Variants in SLC2A4 observed in about 807,000 individuals in gnomAD.
SLC2A4 encodes the protein solute carrier family 2 member 4.
A neutral mutation model predicts 53.3 loss-of-function variants in SLC2A4; 31 were observed. That is an observed-to-expected ratio of 0.58 (90% confidence interval 0.44 to 0.78). The LOEUF is 0.78. Among genes scored for constraint, SLC2A4 ranks in the 30% least tolerant of loss-of-function variants. SLC2A4 has a pLI of 0.00. For synonymous variants in SLC2A4, 276 were observed against 281.9 expected, an observed-to-expected ratio of 0.98 and a Z score of 0.21; for missense variants, 538 against 655.7, an observed-to-expected ratio of 0.82 and a Z score of 1.96.
rs374245027 is a variant in SLC2A4 at position 7,285,083 on chromosome 17, C to T, written c.1021-5C>T. 3.0e-4 allele frequency: 488 copies of T among 1,606,808 alleles called. 1 individual carries two copies. Among genetic ancestry groups the T allele is most frequent in the African/African-American group, 2.0e-3 (149 of 75,016 alleles). ...GCTGGGGTCAAGCTCCGACTCTCCC[C>T]GCAGGTGTTGTTGGTGGAGCGGGCG... On this transcript the variant is annotated splice_polypyrimidine_tract_variant and splice_region_variant and intron_variant, in intron 8 of 10. Coordinates refer to ENST00000317370, the MANE Select transcript of SLC2A4 (RefSeq NM_001042.3). The surrounding 1 kb of genome is among the most constrained non-coding windows in gnomAD (Gnocchi z 6.0).
rs577529037 is a variant in SLC2A4, at chr17:7,282,621, G to C, written c.34-624G>C. ...GGCCCTCCCTGCACGGAGGTTAGAGGGGGAGGGCAGGCCACGACGTAGATA... is the reference window on the plus strand; with the variant it reads ...GGCCCTCCCTGCACGGAGGTTAGAGCGGGAGGGCAGGCCACGACGTAGATA... On this transcript the variant is annotated intron_variant, in intron 1 of 10. Coordinates refer to ENST00000317370, the MANE Select transcript of SLC2A4 (RefSeq NM_001042.3). This position sits in a 1 kb window ranked among gnomAD's most constrained non-coding sequence, Gnocchi z 4.1. Among the ~76,000 whole-genome samples the C allele has an allele frequency of 3.3e-5, 5 of 152,350 alleles. No individual in the cohort carries two copies. In the East Asian group the frequency reaches 5.8e-4, roughly 18 times the overall value.
intron 10 of SLC2A4, 96 bp from the exon 11 acceptor site, chr17:7,286,330 C>T: frequency 1.0e-6 from 1 of 993,780 alleles, no homozygotes; most frequent in Non-Finnish European, 1.6e-6. Flanking sequence ...GCCGTCCCCC[C>T]AGCTCCCTAT....
At position 7,282,552 on chromosome 17, in the gene SLC2A4, C is replaced by A. The variant is rs889492469; in HGVS notation, c.33+585C>A. 2 of 386,844 alleles carry A rather than the reference C, an allele frequency of 5.2e-6. No individual in the cohort carries two copies. The highest frequency in any genetic ancestry group is 6.0e-5 in the Admixed American group (2 of 33,160). 24.0% of individuals were successfully genotyped at this position (386,844 alleles called of 1,614,324 possible). A position where few individuals can be genotyped will look rare whatever the true frequency, so the allele number is the denominator to read the frequency against. On this transcript the variant is annotated intron_variant, in intron 1 of 10. Coordinates refer to ENST00000317370, the MANE Select transcript of SLC2A4 (RefSeq NM_001042.3). This position sits in a 1 kb window ranked among gnomAD's most constrained non-coding sequence, Gnocchi z 4.1. The stretch of plus-strand genomic sequence containing the variant: ...CACCGCCCCTCACACTACCTTCCTG[C>A]CCTCCTCCCCTGGGCATGGCTCTCC...
rs1248387878 is a variant in SLC2A4 at position 7,282,504 on chromosome 17, C to T, written c.33+537C>T. The T allele has an allele frequency of 2.4e-6, 1 of 420,376 alleles. No homozygotes were observed. The highest frequency in any genetic ancestry group is 7.2e-5 in the East Asian group (1 of 13,954). The allele number at this position is 420,376 out of a possible 1,614,324, so 26.0% of individuals were successfully genotyped here. ...GTTTCCGCTTGGAGACAGTCTGTGC[C>T]GCCAGCGAGCGGCCACCACTGCCAC... On this transcript the variant is annotated intron_variant, in intron 1 of 10. Coordinates refer to ENST00000317370, the MANE Select transcript of SLC2A4 (RefSeq NM_001042.3). This position sits in a 1 kb window ranked among gnomAD's most constrained non-coding sequence, Gnocchi z 4.1.
rs2072407297 is a variant in SLC2A4 at position 7,282,080 on chromosome 17, A to G, written c.33+113A>G. ...GTTCCTGCGCAGGCGCAGGGGGTGA[A>G]GGTAGGGGGCTGGCTATTTATACCC... On this transcript the variant is annotated intron_variant, in intron 1 of 10. Coordinates refer to ENST00000317370, the MANE Select transcript of SLC2A4 (RefSeq NM_001042.3). The surrounding 1 kb of genome is among the most constrained non-coding windows in gnomAD (Gnocchi z 4.1). 1 of 867,496 alleles carries G rather than the reference A, an allele frequency of 1.2e-6. No homozygotes were observed. The highest frequency in any genetic ancestry group is 1.9e-6 in the Non-Finnish European group (1 of 529,328). The allele number at this position is 867,496 out of a possible 1,614,324, so 53.7% of individuals were successfully genotyped here.
chr17:7,285,714 C>T lies in SLC2A4; in HGVS notation c.1132C>T (p.Pro378Ser), dbSNP rs750521517. Residue 378 changes from proline to serine, a missense_variant, in exon 10 of 11, where the codon CCA (proline) becomes TCA (serine). Coordinates refer to ENST00000317370, the MANE Select transcript of SLC2A4 (RefSeq NM_001042.3). The surrounding 1 kb of genome is among the most constrained non-coding windows in gnomAD (Gnocchi z 6.0). ...TVALLLLERV[P>S]AMSYVSIVAI... ...CCTGTCTGGCCCCTAGGAGCGAGTTCCAGCCATGAGCTACGTCTCCATTGT... is the reference window on the plus strand; with the variant it reads ...CCTGTCTGGCCCCTAGGAGCGAGTTTCAGCCATGAGCTACGTCTCCATTGT... The T allele has an allele frequency of 6.5e-5, 105 of 1,614,082 alleles. No individual in the cohort carries two copies. The highest frequency in any genetic ancestry group is 4.9e-4 in the Middle Eastern group (3 of 6,084).
Position 7,282,056 on chromosome 17 carries a change from T to C in SLC2A4, c.33+89T>C, listed in dbSNP as rs2072407038. On this transcript the variant is annotated intron_variant, in intron 1 of 10. Transcript: ENST00000317370. The surrounding 1 kb of genome is among the most constrained non-coding windows in gnomAD (Gnocchi z 4.1). ...CGCGGTTGGGGTCAGCTGGGGGTGGTTCCTGCGCAGGCGCAGGGGGTGAAG... is the reference window on the plus strand; with the variant it reads ...CGCGGTTGGGGTCAGCTGGGGGTGGCTCCTGCGCAGGCGCAGGGGGTGAAG... The C allele has an allele frequency of 1.8e-6, 2 of 1,135,658 alleles. No homozygotes were observed. Among genetic ancestry groups the C allele is most frequent in the Non-Finnish European group, 2.6e-6 (2 of 767,288 alleles). 70.3% of individuals were successfully genotyped at this position (1,135,658 alleles called of 1,614,324 possible).
At position 7,282,865 on chromosome 17, in the gene SLC2A4, G is replaced by A. The variant is rs2072414189; in HGVS notation, c.34-380G>A. On this transcript the variant is annotated intron_variant, in intron 1 of 10. Coordinates refer to ENST00000317370, the MANE Select transcript of SLC2A4 (RefSeq NM_001042.3). This position sits in a 1 kb window ranked among gnomAD's most constrained non-coding sequence, Gnocchi z 4.1. ...TCACAACACTCTCACAGATAGGTAG[G>A]CAAGGCAGGCAACATCACCCCCATC... The A allele has an allele frequency of 5.5e-6, 2 of 365,006 alleles. No homozygotes were observed. The highest frequency in any genetic ancestry group is 1.1e-5 in the Non-Finnish European group (2 of 187,814). The allele number at this position is 365,006 out of a possible 1,614,324, so 22.6% of individuals were successfully genotyped here.
In SLC2A4 at chr17:7,283,484, G is replaced by A; in HGVS notation, c.162G>A (p.Gln54=). ...CTGCTGTCCCCCAGGTGATTGAACA[G>A]AGCTACAATGAGACGTGGCTGGGGA... is the stretch of plus-strand genomic sequence containing the variant. ...VINAPQKVIE[Q]SYNETWLGRQ... The change falls in exon 3 of 11, where the codon CAG becomes CAA. Residue 54 remains glutamine, a synonymous_variant. Coordinates refer to ENST00000317370, the MANE Select transcript of SLC2A4 (RefSeq NM_001042.3). This position sits in a 1 kb window ranked among gnomAD's most constrained non-coding sequence, Gnocchi z 5.8. The A allele has an allele frequency of 1.9e-6, 3 of 1,613,874 alleles. No individual in the cohort carries two copies. Among genetic ancestry groups the A allele is most frequent in the Non-Finnish European group, 2.5e-6 (3 of 1,179,902 alleles).
At position 7,284,907 on chromosome 17, in the gene SLC2A4, G is replaced by T. The variant is rs748221020; in HGVS notation, c.988G>T (p.Gly330Cys). Residue 330 changes from glycine (G) to cysteine (C), a missense_variant, in exon 8 of 11, where the codon GGT becomes TGT. By Grantham distance (159) the Gly-to-Cys change is radical (BLOSUM62 -3). Coordinates refer to ENST00000317370, the MANE Select transcript of SLC2A4 (RefSeq NM_001042.3). The surrounding 1 kb of genome is among the most constrained non-coding windows in gnomAD (Gnocchi z 7.5). ...GQPAYATIGA[G>C]VVNTVFTLVS... ...GCCTGCCTATGCCACCATAGGAGCT[G>T]GTGTGGTCAACACAGTCTTCACCTT... 9.9e-6 allele frequency: 16 copies of T among 1,614,062 alleles called. No individual in the cohort carries two copies. The highest frequency in any genetic ancestry group is 1.3e-5 in the Non-Finnish European group (15 of 1,180,038).
rs1473226275 is a variant in SLC2A4 at position 7,284,846 on chromosome 17, T to G, written c.927T>G (p.Tyr309Ter). 1 of 1,614,222 alleles carries G rather than the reference T, an allele frequency of 6.2e-7. No individual in the cohort carries two copies. The highest frequency in any genetic ancestry group is 1.7e-5 in the Admixed American group (1 of 60,026). ...TCCCCCACCTCTAGGTTTTCTATTATTCGACCAGCATCTTCGAGACAGCAG... is the reference window on the plus strand; with the variant it reads ...TCCCCCACCTCTAGGTTTTCTATTAGTCGACCAGCATCTTCGAGACAGCAG... ...QLSGINAVFY[Y>*]STSIFETAGV... The change falls in exon 8 of 11, where the codon TAT (tyrosine) becomes TAG (stop). Residue 309 changes from tyrosine to a stop codon, truncating the protein, a stop_gained. Coordinates refer to ENST00000317370, the MANE Select transcript of SLC2A4 (RefSeq NM_001042.3). LOFTEE classifies it high-confidence loss of function. The surrounding 1 kb of genome is among the most constrained non-coding windows in gnomAD (Gnocchi z 7.5).
In SLC2A4 at chr17:7,285,918, C is replaced by T; in HGVS notation, c.1326+10C>T. The stretch of plus-strand genomic sequence containing the variant: ...TTTCCAGTATGTTGCGGTAGGTCCC[C>T]CCGCCCCAGCCTCCCACACCGTAGG... On this transcript the variant is annotated intron_variant, in intron 10 of 10. Coordinates refer to ENST00000317370, the MANE Select transcript of SLC2A4 (RefSeq NM_001042.3). This position sits in a 1 kb window ranked among gnomAD's most constrained non-coding sequence, Gnocchi z 6.0. The T allele has an allele frequency of 6.2e-7, 1 of 1,608,172 alleles. No individual in the cohort carries two copies. Among genetic ancestry groups the T allele is most frequent in the Non-Finnish European group, 8.5e-7 (1 of 1,175,532 alleles).
chr17:7,282,482 TC>T lies in SLC2A4; in HGVS notation c.33+517del. 2.2e-6 allele frequency: 1 copy of T among 446,290 alleles called. No individual in the cohort carries two copies. The highest frequency in any genetic ancestry group is 4.5e-6 in the Non-Finnish European group (1 of 221,476). 27.6% of individuals were successfully genotyped at this position (446,290 alleles called of 1,614,324 possible). A position where few individuals can be genotyped will look rare whatever the true frequency, so the allele number is the denominator to read the frequency against. ...AGCCCCCCCTCCTCCAGCTCAGGTT[TC>T]CGCTTGGAGACAGTCTGTGCCGCCA... On this transcript the variant is annotated intron_variant, in intron 1 of 10. Coordinates refer to ENST00000317370, the MANE Select transcript of SLC2A4 (RefSeq NM_001042.3). The surrounding 1 kb of genome is among the most constrained non-coding windows in gnomAD (Gnocchi z 4.1).
rs2072455316 is a variant in SLC2A4 at position 7,286,894 on chromosome 17, T to C, written c.*265T>C. The stretch of plus-strand genomic sequence containing the variant: ...TCTCCCCTCCCTCTTCCTTCCCCCA[T>C]CCCCTTTCCTCCCCACCTTCCCCAG... On this transcript the variant is annotated 3_prime_UTR_variant, in exon 11 of 11. Transcript: ENST00000317370. 2.3e-6 allele frequency: 1 copy of C among 436,704 alleles called. No individual in the cohort carries two copies. The highest frequency in any genetic ancestry group is 2.0e-5 in the African/African-American group (1 of 49,552). 27.1% of individuals were successfully genotyped at this position (436,704 alleles called of 1,614,324 possible).
rs144431498 is a variant in SLC2A4 at position 7,285,115 on chromosome 17, C to G, written c.1048C>G (p.Arg350Gly). ...SVLLVERAGR[R>G]TLHLLGLAGM... Reference sequence around the variant, plus strand: ...GTTGTTGGTGGAGCGGGCGGGGCGCCGGACGCTCCATCTCCTGGGCCTGGC... The same window carrying G: ...GTTGTTGGTGGAGCGGGCGGGGCGCGGGACGCTCCATCTCCTGGGCCTGGC... Residue 350 changes from arginine to glycine, a missense_variant, in exon 9 of 11, where the codon CGG becomes GGG. Arg to Gly is a moderately radical substitution (Grantham distance 125). Transcript: ENST00000317370. The surrounding 1 kb of genome is among the most constrained non-coding windows in gnomAD (Gnocchi z 6.0). The G allele has an allele frequency of 1.2e-6, 2 of 1,604,176 alleles. No homozygotes were observed. The highest frequency in any genetic ancestry group is 2.2e-5 in the South Asian group (2 of 89,852).
Position 7,284,193 on chromosome 17 carries a change from T to C in SLC2A4, c.565-24T>C. 1 of 1,611,780 alleles carries C rather than the reference T, an allele frequency of 6.2e-7. No homozygotes were observed. ...AGGCAGAAGGGCTGAGTGACCTGCCTTCTTTCCCAACCTTCTCCCACAGGT... is the reference window on the plus strand; with the variant it reads ...AGGCAGAAGGGCTGAGTGACCTGCCCTCTTTCCCAACCTTCTCCCACAGGT... On this transcript the variant is annotated intron_variant, in intron 5 of 10. Coordinates refer to ENST00000317370, the MANE Select transcript of SLC2A4 (RefSeq NM_001042.3). This position sits in a 1 kb window ranked among gnomAD's most constrained non-coding sequence, Gnocchi z 7.5.
At chr17:7,286,166 C>T in intron 10 of SLC2A4, 1 of 621,004 alleles carries the variant, frequency 1.6e-6, no homozygotes, top group Non-Finnish European at 2.8e-6. Context: ...TGCATTAATA[C>T]TACAAACAGC....
rs758370445 is a variant in SLC2A4 at position 7,285,042 on chromosome 17, T to C, written c.1021-46T>C. The C allele has an allele frequency of 9.3e-6, 15 of 1,611,208 alleles. No individual in the cohort carries two copies. The highest frequency in any genetic ancestry group is 5.5e-5 in the South Asian group (5 of 90,938). On this transcript the variant is annotated intron_variant, in intron 8 of 10. Transcript: ENST00000317370. This position sits in a 1 kb window ranked among gnomAD's most constrained non-coding sequence, Gnocchi z 6.0. ...CCCTCACCCACGCGGCCCCTCCTAC[T>C]TCCCGTGCCCAAAAGGCTGGGGTCA...
At position 7,283,573 on chromosome 17, in the gene SLC2A4, C is replaced by T; in HGVS notation, c.251C>T (p.Ser84Phe). ...ACCCTCACCACCCTCTGGGCCCTCT[C>T]CGTGGCCATCTTTTCCGTGGGCGGC... Reference protein sequence around the residue: ...PGTLTTLWALSVAIFSVGGMI... With the variant: ...PGTLTTLWALFVAIFSVGGMI... The change falls in exon 3 of 11, where the codon TCC (serine) becomes TTC (phenylalanine). Residue 84 changes from serine (S) to phenylalanine (F), a missense_variant. By Grantham distance (155) the Ser-to-Phe change is radical (BLOSUM62 -2). Coordinates refer to ENST00000317370, the MANE Select transcript of SLC2A4 (RefSeq NM_001042.3). The surrounding 1 kb of genome is among the most constrained non-coding windows in gnomAD (Gnocchi z 5.8). 1 of 1,614,102 alleles carries T rather than the reference C, an allele frequency of 6.2e-7. No individual in the cohort carries two copies. Among genetic ancestry groups the T allele is most frequent in the Non-Finnish European group, 8.5e-7 (1 of 1,180,014 alleles).
Sources: allele counts gnomAD v4.1 joint callset (sites outside exome capture counted in the v4.1 genomes callset), GRCh38; gene constraint gnomAD v4.1.1; non-coding constraint Gnocchi (gnomAD v3.1); transcripts MANE v1.5; gene names NCBI Gene and HGNC (gene_info 2026-07-23, HGNC 2026-07-21).